The following PATJ variants were observed in gnomAD, a reference collection of about 807,000 sequenced individuals.
The protein encoded by PATJ is inaD-like protein.
Under a neutral mutation model 224.9 loss-of-function variants are expected in PATJ, and 190 were observed. The observed-to-expected ratio is 0.84, with a 90% confidence interval of 0.75 to 0.95. The LOEUF is 0.95. PATJ is among the 40% of genes least tolerant of loss of function. The probability of loss-of-function intolerance (pLI) is 0.00; values close to 1 mark genes in which losing one functional copy is unlikely to be tolerated. For synonymous variants in PATJ, 769 were observed against 820.3 expected, an observed-to-expected ratio of 0.94 and a Z score of 1.07; for missense variants, 2,121 against 2,270.3, an observed-to-expected ratio of 0.93 and a Z score of 1.34.
chr1:61,843,073 A>G (rs956930682), intron 17 of PATJ, among the ~76,000 whole-genome samples: 22 of 152,188 alleles, frequency 1.4e-4, no homozygotes, highest in Non-Finnish European at 1.5e-5. Flanking sequence ...AGGCTTTCCC[A>G]GTGAGTGCCA....
intron 27 of PATJ, 147 bp from the exon 28 acceptor site, chr1:61,990,019 CCA>C (rs1470793823): frequency 1.6e-6 from 1 of 620,884 alleles, no homozygotes; most frequent in Non-Finnish European, 2.7e-6. Flanking sequence ...CTGCAGCACT[CCA>C]GTCTGCGCAA....
chr1:61,952,777 T>C (rs1417736319), intron 27 of PATJ, among the ~76,000 whole-genome samples: 2 of 152,228 alleles, frequency 1.3e-5, no homozygotes, highest in Admixed American at 6.5e-5. Context: ...AGGACATTTA[T>C]TATCATTATT....
At chr1:62,114,921 A>AG (rs1286475917) in intron 35 of PATJ, 2 of 152,088 alleles carry the variant, frequency 1.3e-5, no homozygotes, top group Non-Finnish European at 2.9e-5. Flanking sequence ...AAAAAAAAAA[A>AG]AAAGAAAAGG....
At chr1:62,118,089 G>C (rs1664650449) in intron 37 of PATJ, among the ~76,000 whole-genome samples, 1 of 152,114 alleles carries the variant, frequency 6.6e-6, no homozygotes, top group Admixed American at 6.6e-5. Context: ...AAAAATGAGT[G>C]AGGAAAATAC....
intron 1 of PATJ, among the ~76,000 whole-genome samples, chr1:61,762,386 A>G (rs1192166099): frequency 6.6e-6 from 1 of 151,928 alleles, no homozygotes; most frequent in Non-Finnish European, 1.5e-5. Flanking sequence ...AATATTATAT[A>G]CCATTTGTTT....
chr1:61,794,950 C>A (rs899749408), intron 9 of PATJ, among the ~76,000 whole-genome samples: 3 of 151,746 alleles, frequency 2.0e-5, no homozygotes, highest in African/African-American at 7.3e-5. Context: ...CCATTGCACT[C>A]CAGCCTGGGC....
At chr1:62,091,451 A>G (rs994903065) in intron 33 of PATJ, among the ~76,000 whole-genome samples, 3 of 152,242 alleles carry the variant, frequency 2.0e-5, no homozygotes, top group Admixed American at 2.0e-4. Context: ...AATGAATATG[A>G]AGAACTTTAC....
intron 18 of PATJ, among the ~76,000 whole-genome samples, chr1:61,857,502 A>G (rs1052851613): frequency 2.6e-5 from 4 of 152,208 alleles, no homozygotes; most frequent in Admixed American, 6.5e-5. Flanking sequence ...CTGTCTTACT[A>G]TGTTGTCACT....
At chr1:62,158,725 AAAAAAC>A (rs1214260391) in intron 43 of PATJ, among the ~76,000 whole-genome samples, 2 of 149,094 alleles carry the variant, frequency 1.3e-5, no homozygotes, top group Non-Finnish European at 3.0e-5. Context: ...TGTCTCAAAA[AAAAAAC>A]AAAAAAAAAG....
intron 27 of PATJ, among the ~76,000 whole-genome samples, chr1:61,937,872 A>C (rs1419682009): frequency 6.6e-6 from 1 of 151,804 alleles, no homozygotes; most frequent in East Asian, 1.9e-4. Flanking sequence ...CTGGTCTCAA[A>C]CTCCCAACCT....
Position 61,817,430 on chromosome 1 carries a change from G to A in PATJ, c.1684-5515G>A, listed in dbSNP as rs1453594841. ...TGTAATCCTAGCACTTTGGGAGGCC[G>A]AGGTGGGTGGATCACCTGAGGTCAG... On this transcript the variant is annotated intron_variant, in intron 14 of 43. Transcript: ENST00000642238. 1.1e-4 allele frequency among the ~76,000 whole-genome samples: 17 copies of A among 152,090 alleles called. 1 individual carries two copies. Among genetic ancestry groups the A allele is most frequent in the Admixed American group, 9.8e-4 (15 of 15,264 alleles).
intron 22 of PATJ, among the ~76,000 whole-genome samples, chr1:61,887,392 G>C (rs762700962): frequency 6.6e-6 from 1 of 152,146 alleles, no homozygotes; most frequent in African/African-American, 2.4e-5. Context: ...CTGTCACTTC[G>C]GGAGAAGATT....
intron 27 of PATJ, among the ~76,000 whole-genome samples, chr1:61,948,529 A>T (rs548431884): frequency 6.6e-6 from 1 of 152,194 alleles, no homozygotes; most frequent in African/African-American, 2.4e-5. Flanking sequence ...ATCTCACACC[A>T]GTTAGAATGG....
chr1:61,828,973 A>G (rs1325029205), intron 16 of PATJ, among the ~76,000 whole-genome samples: 1 of 152,150 alleles, frequency 6.6e-6, no homozygotes, highest in Non-Finnish European at 1.5e-5. Flanking sequence ...AGTTTGTGCA[A>G]GAAGGAAATG....
intron 33 of PATJ, among the ~76,000 whole-genome samples, chr1:62,098,358 C>CAAA (rs57285107): frequency 8.1e-6 from 1 of 123,448 alleles, no homozygotes. Flanking sequence ...GACTCCATCT[C>CAAA]AAAAAAAAAA....
chr1:61,867,972 C>A (rs1665683471), intron 20 of PATJ, among the ~76,000 whole-genome samples: 1 of 152,182 alleles, frequency 6.6e-6, no homozygotes, highest in Non-Finnish European at 1.5e-5. Flanking sequence ...ATTATTATTT[C>A]TGTCTTGGTT....
intron 26 of PATJ, among the ~76,000 whole-genome samples, 200 bp downstream of exon 26, chr1:61,914,864 A>C (rs1673223027): frequency 1.3e-5 from 2 of 152,102 alleles, no homozygotes; most frequent in Non-Finnish European, 2.9e-5. Context: ...ATAGATGCAA[A>C]AATACTATAA....
chr1:61,764,209 C>T (rs1293778878), intron 3 of PATJ, among the ~76,000 whole-genome samples: 2 of 152,106 alleles, frequency 1.3e-5, no homozygotes, highest in Admixed American at 6.6e-5. Context: ...ACAATAGTCA[C>T]ACTTCTCTTA....
chr1:62,075,972 A>G (rs1280609719), intron 31 of PATJ, among the ~76,000 whole-genome samples: 1 of 152,024 alleles, frequency 6.6e-6, no homozygotes, highest in Non-Finnish European at 1.5e-5. Context: ...TGATACAACT[A>G]CAAGGGTGTT....
Sources: allele counts gnomAD v4.1 joint callset (sites outside exome capture counted in the v4.1 genomes callset), GRCh38; gene constraint gnomAD v4.1.1; transcripts MANE v1.5; gene names NCBI Gene and HGNC (gene_info 2026-07-23, HGNC 2026-07-21).